Variants in ALOX5AP observed in about 807,000 individuals in gnomAD.
ALOX5AP encodes arachidonate 5-lipoxygenase activating protein.
A neutral mutation model predicts 18.5 loss-of-function variants in ALOX5AP; 9 were observed. That is an observed-to-expected ratio of 0.49 (90% confidence interval 0.29 to 0.85). ALOX5AP has a LOEUF of 0.85. ALOX5AP is among the 40% of genes least tolerant of loss of function. The pLI is 0.08. For synonymous variants in ALOX5AP, 81 were observed against 78.6 expected (o/e 1.03, Z -0.16); for missense variants, 172 against 202.5 (o/e 0.85, Z 0.91).
chr13:30,744,006 C>A, intron 1 of ALOX5AP, 54 bp from the exon 2 acceptor site: 1 of 1,466,646 alleles, frequency 6.8e-7, no homozygotes, highest in Non-Finnish European at 9.5e-7. Context: ...AAGGAAGTAA[C>A]AGGCTCCTGA....
chr13:30,734,980 T>G (rs1951708939), upstream of ALOX5AP, among the ~76,000 whole-genome samples: 1 of 152,080 alleles, frequency 6.6e-6, no homozygotes, highest in African/African-American at 2.4e-5. Flanking sequence ...GTTCTATACA[T>G]TTTTTTAAAG....
chr13:30,746,455 C>A (rs931300565), intron 2 of ALOX5AP, among the ~76,000 whole-genome samples: 5 of 152,386 alleles, frequency 3.3e-5, no homozygotes, highest in Non-Finnish European at 7.3e-5. Flanking sequence ...GGTTCTGTTA[C>A]AAAGACCACT....
intron 1 of ALOX5AP, among the ~76,000 whole-genome samples, chr13:30,714,221 AAAAAG>A (rs1211873804): frequency 4.0e-4 from 61 of 151,664 alleles, no homozygotes; most frequent in Non-Finnish European, 8.0e-4. Flanking sequence ...AAAAAAAAAA[AAAAAG>A]GCCTGAGCTG....
intron 1 of ALOX5AP, among the ~76,000 whole-genome samples, chr13:30,721,409 G>A (rs1054688177): frequency 2.0e-5 from 3 of 152,138 alleles, no homozygotes; most frequent in Non-Finnish European, 4.4e-5. Context: ...TCAGGCAGTG[G>A]CCCCGACATT....
intron 1 of ALOX5AP, among the ~76,000 whole-genome samples, chr13:30,724,360 C>G (rs890937474): frequency 3.3e-5 from 5 of 152,158 alleles, no homozygotes; most frequent in African/African-American, 1.2e-4. Flanking sequence ...TTGGTTGTTT[C>G]CAGCTTTGAA....
intron 2 of ALOX5AP, among the ~76,000 whole-genome samples, chr13:30,746,606 G>A (rs1951811335): frequency 6.6e-6 from 1 of 152,244 alleles, no homozygotes; most frequent in Non-Finnish European, 1.5e-5. Context: ...ACTGGGAATG[G>A]GGTTGTGTGT....
rs149951363 is a variant in ALOX5AP at position 30,753,334 on chromosome 13, G to A, written c.241+1212G>A. Among the ~76,000 whole-genome samples, 349 of 152,288 alleles carry A rather than the reference G, an allele frequency of 2.3e-3. 1 individual carries two copies. Among genetic ancestry groups the A allele is most frequent in the East Asian group, 0.015 (77 of 5,184 alleles). On this transcript the variant is annotated intron_variant, in intron 3 of 4. Transcript: ENST00000380490. ...CTGAGTTAAATAGGAAACATGTCTC[G>A]CATTACTTGAAAAATCAAGTCAAAC...
upstream of ALOX5AP, among the ~76,000 whole-genome samples, chr13:30,733,422 T>C (rs1338142449): frequency 1.3e-5 from 2 of 152,240 alleles, no homozygotes; most frequent in Non-Finnish European, 2.9e-5. Flanking sequence ...TAACGCTTTA[T>C]GGGGTTCAAA....
At position 30,744,077 on chromosome 13, in the gene ALOX5AP, G is replaced by T; in HGVS notation, c.88G>T (p.Val30Leu). Reference sequence around the variant, plus strand: ...CTTGGCAGGATTCTTTGCCCATAAAGTGGAGCACGAAAGCAGGACCCAGAA... The same window carrying T: ...CTTGGCAGGATTCTTTGCCCATAAATTGGAGCACGAAAGCAGGACCCAGAA... ...VVQNGFFAHKVEHESRTQNGR... is the reference protein window; with the variant it reads ...VVQNGFFAHKLEHESRTQNGR... The change falls in exon 2 of 5, where the codon GTG becomes TTG. Residue 30 changes from valine (V) to leucine (L), a missense_variant. Physicochemically the swap from Val to Leu is conservative, Grantham distance 32 (BLOSUM62 1). Coordinates refer to ENST00000380490, the MANE Select transcript of ALOX5AP (RefSeq NM_001629.4). 6.2e-7 allele frequency: 1 copy of T among 1,614,146 alleles called. No individual in the cohort carries two copies. Among genetic ancestry groups the T allele is most frequent in the Non-Finnish European group, 8.5e-7 (1 of 1,179,972 alleles).
upstream of ALOX5AP, chr13:30,735,483 T>C (rs199498867): frequency 1.3e-6 from 2 of 1,505,520 alleles, no homozygotes; most frequent in South Asian, 2.5e-5. Flanking sequence ...ACTGTGTAAT[T>C]GTGCCGGGGA....
At chr13:30,714,690 A>G (rs867535500) in intron 1 of ALOX5AP, among the ~76,000 whole-genome samples, 31 of 152,148 alleles carry the variant, frequency 2.0e-4, no homozygotes, top group African/African-American at 7.2e-4. Context: ...AGAAGATCCT[A>G]GATGTGGGAA....
chr13:30,731,342 G>C (rs573438857), upstream of ALOX5AP, among the ~76,000 whole-genome samples: 3 of 151,592 alleles, frequency 2.0e-5, no homozygotes, highest in South Asian at 6.2e-4. Flanking sequence ...CCCTTGTTCT[G>C]CTCCTTGCTA....
In ALOX5AP at chr13:30,719,632, C is replaced by T. The variant is rs555759774; in HGVS notation, c.116+5791C>T. ...GTCAATACTGTTTAGTGACTATTCT[C>T]TGTTTAATCTATTTTGATTGTCCAG... On this transcript the variant is annotated intron_variant, in intron 1 of 5. Transcript: ENST00000617770. Among the ~76,000 whole-genome samples the T allele has an allele frequency of 3.3e-5, 5 of 152,272 alleles. No homozygotes were observed. In the South Asian group the frequency reaches 1.0e-3, roughly 32 times the overall value.
chr13:30,740,148 A>G (rs904796612), intron 1 of ALOX5AP, among the ~76,000 whole-genome samples: 4 of 152,194 alleles, frequency 2.6e-5, no homozygotes, highest in Non-Finnish European at 5.9e-5. Flanking sequence ...TCTTCTGTAC[A>G]GGGAAGCTGT....
intron 2 of ALOX5AP, among the ~76,000 whole-genome samples, chr13:30,746,570 G>C (rs548453657): frequency 6.6e-6 from 1 of 152,212 alleles, no homozygotes; most frequent in Non-Finnish European, 1.5e-5. Flanking sequence ...AGAGGCAGCT[G>C]GTCTGTTTGC....
intron 2 of ALOX5AP, among the ~76,000 whole-genome samples, chr13:30,750,666 C>A (rs570070100): frequency 3.3e-5 from 5 of 152,258 alleles, no homozygotes; most frequent in African/African-American, 1.2e-4. Flanking sequence ...ACCAATCATG[C>A]CCACATCCTA....
chr13:30,737,122 A>G (rs1951728165), intron 1 of ALOX5AP, among the ~76,000 whole-genome samples: 1 of 152,216 alleles, frequency 6.6e-6, no homozygotes, highest in Non-Finnish European at 1.5e-5. Flanking sequence ...CTCTCCCCTG[A>G]CACCCATCAA....
Position 30,751,936 on chromosome 13 carries a change from G to A in ALOX5AP, c.171-116G>A, listed in dbSNP as rs966568849. 1.2e-5 allele frequency: 12 copies of A among 1,004,662 alleles called. No homozygotes were observed. In the African/African-American group the frequency reaches 1.8e-4, roughly 15 times the overall value. The allele number at this position is 1,004,662 out of a possible 1,614,324, so 62.2% of individuals were successfully genotyped here. ...GTAGATGTAAGTGGAATTACGAATG[G>A]GATTTATGTTTCATGCACGATGGTG... is the stretch of plus-strand genomic sequence containing the variant. On this transcript the variant is annotated intron_variant, in intron 2 of 4. Coordinates refer to ENST00000380490, the MANE Select transcript of ALOX5AP (RefSeq NM_001629.4).
upstream of ALOX5AP, among the ~76,000 whole-genome samples, chr13:30,734,959 G>A (rs1034766608): frequency 1.3e-5 from 2 of 152,142 alleles, no homozygotes; most frequent in Non-Finnish European, 2.9e-5. Context: ...TTGGGGCACA[G>A]ATCTTTTGGT....
Sources: gnomAD v4.1 joint callset for allele counts (sites outside exome capture counted in the v4.1 genomes callset) on GRCh38, gnomAD v4.1.1 for gene constraint, MANE v1.5 for transcripts, NCBI Gene and HGNC (gene_info 2026-07-23, HGNC 2026-07-21) for gene names.